ANAPC1: variants seen among roughly 807,000 people sequenced by gnomAD.
The protein encoded by ANAPC1 is anaphase-promoting complex subunit 1.
Under a neutral mutation model 208.0 loss-of-function variants are expected in ANAPC1, and 36 were observed. That is an observed-to-expected ratio of 0.17 (90% CI 0.13 to 0.23). ANAPC1 has a LOEUF of 0.23. Ranked by LOEUF, ANAPC1 falls within the 10% of genes least tolerant of loss-of-function variation. The pLI is 1.00. For missense variants in ANAPC1, 942 were observed against 2,011.6 expected, an observed-to-expected ratio of 0.47 and a Z score of 10.17; for synonymous variants, 378 against 695.2, an observed-to-expected ratio of 0.54 and a Z score of 7.18.
At chr2:111,823,968 T>G (rs1679685777) in intron 24 of ANAPC1, among the ~76,000 whole-genome samples, 1 of 132,686 alleles carries the variant, frequency 7.5e-6, no homozygotes, top group African/African-American at 2.5e-5. Flanking sequence ...GACATATTAT[T>G]TTGTAAGTAT....
chr2:111,870,690 T>C (rs1435396019), intron 6 of ANAPC1, among the ~76,000 whole-genome samples: 2 of 152,186 alleles, frequency 1.3e-5, no homozygotes, highest in African/African-American at 4.8e-5. Context: ...TGCAGAAGCT[T>C]TTTATTTTAA....
chr2:111,836,930 T>C (rs1680500223), intron 18 of ANAPC1, among the ~76,000 whole-genome samples: 1 of 149,384 alleles, frequency 6.7e-6, no homozygotes, highest in Admixed American at 6.7e-5. Context: ...ATCGTGCCAC[T>C]GCACTCCAGC....
chr2:111,809,220 AATACT>A, intron 28 of ANAPC1, 39 bp from the exon 29 acceptor site: 2 of 1,493,998 alleles, frequency 1.3e-6, no homozygotes, highest in Non-Finnish European at 1.8e-6. Context: ...TTTAAAATAA[AATACT>A]GCCTGCCACT....
intron 17 of ANAPC1, among the ~76,000 whole-genome samples, chr2:111,840,340 A>G (rs1331303073): frequency 6.6e-6 from 1 of 152,244 alleles, no homozygotes; most frequent in Admixed American, 6.5e-5. Flanking sequence ...TTTTATCCTA[A>G]GCTTTGACTA....
intron 6 of ANAPC1, among the ~76,000 whole-genome samples, chr2:111,870,801 ATCT>A (rs1024116191): frequency 2.0e-5 from 3 of 152,110 alleles, no homozygotes; most frequent in African/African-American, 7.2e-5. Flanking sequence ...TTCCAAGGTG[ATCT>A]TCTAGAATTT....
Position 111,843,281 on chromosome 2 carries a change from A to T in ANAPC1, c.2040+131T>A, listed in dbSNP as rs545251845. On this transcript the variant is annotated intron_variant, in intron 17 of 47. Transcript: ENST00000341068. ...GATTTTATTTACAATATATAGATAC[A>T]ATAAACCTTAATATTATTCTATTAT... 7.8e-5 allele frequency: 66 copies of T among 848,282 alleles called. No homozygotes were observed. In the African/African-American group the frequency reaches 1.1e-3, roughly 14 times the overall value. The allele number at this position is 848,282 out of a possible 1,614,324, so 52.5% of individuals were successfully genotyped here.
chr2:111,790,731 CACT>C (rs1265185487), intron 38 of ANAPC1, among the ~76,000 whole-genome samples: 160 of 151,494 alleles, frequency 1.1e-3, no homozygotes, highest in Non-Finnish European at 1.3e-4. Flanking sequence ...CAAAAGACAC[CACT>C]GAGAGAGAGT....
At position 111,884,114 on chromosome 2, in the gene ANAPC1, G is replaced by C. The variant is rs1033407500; in HGVS notation, c.-197C>G. On this transcript the variant is annotated 5_prime_UTR_variant, in exon 1 of 48. Transcript: ENST00000341068. The stretch of plus-strand genomic sequence containing the variant: ...TGGAGGAAGAACGGGCAACAGCAGC[G>C]GGCTCGAGTGCTAATGGCAGGAAGG... The C allele has an allele frequency of 6.6e-6, 1 of 152,304 alleles. No individual in the cohort carries two copies. 9.4% of individuals were successfully genotyped at this position (152,304 alleles called of 1,614,324 possible).
At position 111,792,538 on chromosome 2, in the gene ANAPC1, T is replaced by G. The variant is rs779700098; in HGVS notation, c.4536A>C (p.Leu1512=). ...GCAGCACCACGCTCAGACAAGTTTC[T>G]AGGTTATGAGGACCTGTCTGTCAGG... is the stretch of plus-strand genomic sequence containing the variant. ...PNASVTGPHN[L]ETCLSVVLLS... Residue 1512 remains leucine, a synonymous_variant, in exon 38 of 48, where the codon CTA becomes CTC. Coordinates refer to ENST00000341068, the MANE Select transcript of ANAPC1 (RefSeq NM_022662.4). 5 of 1,613,582 alleles carry G rather than the reference T, an allele frequency of 3.1e-6. No homozygotes were observed. The highest frequency in any genetic ancestry group is 3.3e-5 in the Admixed American group (2 of 59,928).
chr2:111,856,723 C>G (rs376745763), intron 12 of ANAPC1, 44 bp from the exon 13 acceptor site: 1 of 1,613,144 alleles, frequency 6.2e-7, no homozygotes, highest in Non-Finnish European at 8.5e-7. Flanking sequence ...CCAATCTGAG[C>G]AAATTAACAG....
At chr2:111,782,088 A>T (rs1348642856) in intron 43 of ANAPC1, among the ~76,000 whole-genome samples, 1 of 151,946 alleles carries the variant, frequency 6.6e-6, no homozygotes, top group African/African-American at 2.4e-5. Context: ...TATTTGTTAC[A>T]GTGTCAAGAT....
At chr2:111,875,212 C>T (rs988678876) in intron 3 of ANAPC1, among the ~76,000 whole-genome samples, 7 of 152,304 alleles carry the variant, frequency 4.6e-5, no homozygotes, top group Middle Eastern at 3.4e-3. Flanking sequence ...ACCATGTGTG[C>T]ATCTTTAGAA....
intron 8 of ANAPC1, among the ~76,000 whole-genome samples, chr2:111,864,252 G>A (rs1682260859): frequency 6.6e-6 from 1 of 151,722 alleles, no homozygotes; most frequent in African/African-American, 2.4e-5. Context: ...CTTGAGCCCA[G>A]GAGTTCAAGG....
At chr2:111,789,052 G>A (rs1355744013) in intron 38 of ANAPC1, among the ~76,000 whole-genome samples, 28 of 152,314 alleles carry the variant, frequency 1.8e-4, no homozygotes, top group Admixed American at 7.8e-4. Flanking sequence ...GCAGGAGAAT[G>A]GCGTGAACCC....
At chr2:111,798,093 G>A (rs546472937) in intron 34 of ANAPC1, among the ~76,000 whole-genome samples, 22 of 135,606 alleles carry the variant, frequency 1.6e-4, no homozygotes, top group Middle Eastern at 6.9e-3. Flanking sequence ...TATGACAAAG[G>A]AGAGAGCCAC....
chr2:111,862,642 C>A (rs1290500898), intron 9 of ANAPC1, 44 bp from the exon 10 acceptor site: 1 of 1,591,280 alleles, frequency 6.3e-7, no homozygotes, highest in African/African-American at 1.4e-5. Flanking sequence ...GTTAGCAAGG[C>A]AGGCTTATAT....
At chr2:111,825,261 A>C in intron 22 of ANAPC1, 94 bp from the exon 23 acceptor site, 1 of 1,508,608 alleles carries the variant, frequency 6.6e-7, no homozygotes, top group East Asian at 2.3e-5. Flanking sequence ...AGAATCAATT[A>C]GCAAACAACA....
At chr2:111,863,202 A>C (rs1417686823) in intron 9 of ANAPC1, among the ~76,000 whole-genome samples, 2 of 152,046 alleles carry the variant, frequency 1.3e-5, no homozygotes, top group Non-Finnish European at 2.9e-5. Flanking sequence ...TGGTAAACTT[A>C]GAAATCTTAG....
At chr2:111,866,662 T>A (rs192396447) in intron 7 of ANAPC1, among the ~76,000 whole-genome samples, 2 of 148,768 alleles carry the variant, frequency 1.3e-5, no homozygotes, top group Admixed American at 6.7e-5. Context: ...AGGCAGAGGC[T>A]GCAGTGAGCC....
Sources: gnomAD v4.1 joint callset for allele counts (sites outside exome capture counted in the v4.1 genomes callset) on GRCh38, gnomAD v4.1.1 for gene constraint, MANE v1.5 for transcripts, NCBI Gene and HGNC (gene_info 2026-07-23, HGNC 2026-07-21) for gene names.